Variants in CORIN observed in about 807,000 individuals in gnomAD.
CORIN encodes the protein corin, serine peptidase.
In CORIN, 117 loss-of-function variants were observed where a neutral mutation model predicts 125.3. The observed-to-expected ratio is 0.93, with a 90% confidence interval of 0.80 to 1.09. The LOEUF (loss-of-function observed/expected upper bound fraction) is 1.09. CORIN is among the 50% of genes least tolerant of loss of function. CORIN has a pLI of 0.00. For missense variants in CORIN, 1,253 were observed against 1,306.7 expected, an observed-to-expected ratio of 0.96 and a Z score of 0.63; for synonymous variants, 450 against 466.4, an observed-to-expected ratio of 0.96 and a Z score of 0.45.
Position 47,706,338 on chromosome 4 carries a change from T to C in CORIN, c.800-13255A>G, listed in dbSNP as rs546593166. 2.8e-5 allele frequency: 43 copies of C among 1,528,632 alleles called. No homozygotes were observed. In the African/African-American group the frequency reaches 3.4e-4, roughly 12 times the overall value. 94.7% of individuals were successfully genotyped at this position (1,528,632 alleles called of 1,614,324 possible). On this transcript the variant is annotated intron_variant, in intron 5 of 21. Transcript: ENST00000273857. ...TTCAAGAAAACTACCAACTTTTGCC[T>C]TTCCGTCTGGCGGCAGCCATCAGGT...
intron 19 of CORIN, among the ~76,000 whole-genome samples, chr4:47,612,318 G>C (rs1323539385): frequency 6.6e-6 from 1 of 152,172 alleles, no homozygotes; most frequent in Non-Finnish European, 1.5e-5. Context: ...CCAGAAAATT[G>C]TTGTCATGTT....
intron 2 of CORIN, among the ~76,000 whole-genome samples, chr4:47,805,148 A>ATAATAATAAT (rs1553919341): frequency 1.5e-5 from 2 of 129,166 alleles, no homozygotes; most frequent in African/African-American, 5.9e-5. Flanking sequence ...AAAAAAAAAA[A>ATAATAATAAT]AATAATAATA....
At chr4:47,620,126 G>A (rs1722246807) in intron 19 of CORIN, among the ~76,000 whole-genome samples, 2 of 151,994 alleles carry the variant, frequency 1.3e-5, no homozygotes, top group South Asian at 2.1e-4. Flanking sequence ...GTTTAAAAGT[G>A]TGTCTCCTCA....
intron 5 of CORIN, among the ~76,000 whole-genome samples, chr4:47,721,995 C>T (rs1348486281): frequency 6.6e-6 from 1 of 152,218 alleles, no homozygotes; most frequent in Non-Finnish European, 1.5e-5. Flanking sequence ...ACTATTTCCA[C>T]AGACCCCACC....
At chr4:47,666,424 A>G (rs536957645) in intron 10 of CORIN, among the ~76,000 whole-genome samples, 1 of 152,352 alleles carries the variant, frequency 6.6e-6, no homozygotes, top group East Asian at 1.9e-4. Flanking sequence ...GTAATGAGAA[A>G]TATTGTCTCT....
chr4:47,800,280 A>C (rs1731483964), intron 2 of CORIN, among the ~76,000 whole-genome samples: 1 of 151,808 alleles, frequency 6.6e-6, no homozygotes, highest in Non-Finnish European at 1.5e-5. Context: ...ATTAACTAAT[A>C]ATTAATTAAT....
intron 16 of CORIN, among the ~76,000 whole-genome samples, chr4:47,637,184 C>G (rs1723059663): frequency 6.6e-6 from 1 of 152,120 alleles, no homozygotes; most frequent in African/African-American, 2.4e-5. Context: ...TTTAGGATAT[C>G]TGGTAGAAGA....
chr4:47,607,362 C>T (rs540404553), intron 19 of CORIN, among the ~76,000 whole-genome samples: 13 of 151,464 alleles, frequency 8.6e-5, no homozygotes, highest in South Asian at 2.1e-4. Flanking sequence ...GAGCCCAGAT[C>T]GCGCCACTGC....
chr4:47,711,598 G>C (rs1202560322), intron 5 of CORIN, among the ~76,000 whole-genome samples: 1 of 152,206 alleles, frequency 6.6e-6, no homozygotes, highest in Non-Finnish European at 1.5e-5. Context: ...ATTTCATGGG[G>C]TAAGCCTGAC....
intron 14 of CORIN, among the ~76,000 whole-genome samples, chr4:47,643,474 G>A (rs1723325190): frequency 6.6e-6 from 1 of 151,980 alleles, no homozygotes; most frequent in Admixed American, 6.6e-5. Context: ...GAATTACTAT[G>A]TTCAAGTGAC....
At chr4:47,678,528 A>C (rs10008377) in intron 8 of CORIN, among the ~76,000 whole-genome samples, 4,326 of 152,300 alleles carry the variant, frequency 0.028, 209 homozygotes, top group African/African-American at 0.097. Context: ...TCTCAGCCCC[A>C]ATATTTCATT....
chr4:47,750,746 C>T (rs1168306405), intron 4 of CORIN, among the ~76,000 whole-genome samples: 3 of 152,190 alleles, frequency 2.0e-5, no homozygotes, highest in African/African-American at 7.2e-5. Flanking sequence ...TATTCTCCCA[C>T]ACTATGATCT....
chr4:47,672,978 T>C (rs1237606287), intron 10 of CORIN, among the ~76,000 whole-genome samples: 4 of 151,836 alleles, frequency 2.6e-5, no homozygotes, highest in Admixed American at 2.0e-4. Flanking sequence ...CCAGAAAAAT[T>C]AGGACCGCGA....
intron 4 of CORIN, among the ~76,000 whole-genome samples, chr4:47,749,980 C>T (rs931023119): frequency 1.3e-5 from 2 of 152,160 alleles, no homozygotes; most frequent in Non-Finnish European, 2.9e-5. Flanking sequence ...ATTTTCATAG[C>T]CAAATACTGT....
intron 4 of CORIN, among the ~76,000 whole-genome samples, chr4:47,757,878 G>GTATATATATATATATA (rs59621469): frequency 5.4e-4 from 67 of 123,896 alleles, no homozygotes; most frequent in African/African-American, 1.9e-3. Context: ...ATATATATAT[G>GTATATATATATATATA]TATATATATA....
intron 10 of CORIN, among the ~76,000 whole-genome samples, chr4:47,670,924 G>GA (rs1440644988): frequency 6.6e-6 from 1 of 152,114 alleles, no homozygotes; most frequent in Non-Finnish European, 1.5e-5. Context: ...GCTATTTCTT[G>GA]AAAAAACTAT....
At chr4:47,691,480 T>G (rs16860587) in intron 6 of CORIN, among the ~76,000 whole-genome samples, 2,599 of 152,282 alleles carry the variant, frequency 0.017, 81 homozygotes, top group African/African-American at 0.059. Flanking sequence ...AAACACAAAT[T>G]TCTTACTGAA....
chr4:47,821,308 G>A (rs935221225), intron 1 of CORIN, among the ~76,000 whole-genome samples: 1 of 151,480 alleles, frequency 6.6e-6, no homozygotes, highest in Non-Finnish European at 1.5e-5. Flanking sequence ...AACTACAACA[G>A]AGAGCAGTCT....
chr4:47,666,181 C>T (rs1281445432), intron 10 of CORIN, among the ~76,000 whole-genome samples: 1 of 152,230 alleles, frequency 6.6e-6, no homozygotes, highest in African/African-American at 2.4e-5. Flanking sequence ...CTTCCCATTA[C>T]TACTTCCAGA....
Sources: allele counts gnomAD v4.1 joint callset (sites outside exome capture counted in the v4.1 genomes callset), GRCh38; gene constraint gnomAD v4.1.1; transcripts MANE v1.5; gene names NCBI Gene and HGNC (gene_info 2026-07-23, HGNC 2026-07-21).